The following PLPP3 variants were observed in gnomAD, a reference collection of about 807,000 sequenced individuals.
PLPP3 encodes PAP2 beta.
PLPP3 carries 6 observed loss-of-function variants against 29.6 expected under a neutral mutation model. The ratio of observed to expected loss-of-function variants is 0.20; its 90% confidence interval spans 0.11 to 0.40. The LOEUF (loss-of-function observed/expected upper bound fraction) is 0.40, where lower values mean the gene tolerates loss of function less well. Ranked by LOEUF, PLPP3 falls within the 10% of genes least tolerant of loss-of-function variation. PLPP3 has a pLI of 1.00. For synonymous variants in PLPP3, 152 were observed against 159.7 expected (o/e 0.95, Z 0.36); for missense variants, 308 against 407.7 (o/e 0.76, Z 2.11).
chr1:56,545,696 AT>A (rs1646001354), intron 1 of PLPP3, among the ~76,000 whole-genome samples: 1 of 152,138 alleles, frequency 6.6e-6, no homozygotes, highest in Non-Finnish European at 1.5e-5. Context: ...ATTTATTTTT[AT>A]TTTTCCAGCA....
chr1:56,536,439 C>A (rs1399667938), intron 2 of PLPP3, among the ~76,000 whole-genome samples: 2 of 152,124 alleles, frequency 1.3e-5, no homozygotes, highest in African/African-American at 4.8e-5. Context: ...TCCCCAAATT[C>A]AAGCTGTTGA....
At chr1:56,523,573 T>C (rs1160590299) in intron 4 of PLPP3, among the ~76,000 whole-genome samples, 1 of 152,176 alleles carries the variant, frequency 6.6e-6, no homozygotes, top group African/African-American at 2.4e-5. Flanking sequence ...CCAAAATGTG[T>C]CCACAATGCT....
intron 1 of PLPP3, among the ~76,000 whole-genome samples, chr1:56,560,829 G>GT: frequency 7.1e-6 from 1 of 139,922 alleles, no homozygotes; most frequent in Admixed American, 7.6e-5. Flanking sequence ...CCCATTCAGA[G>GT]TCCTTTTTTT....
Position 56,512,029 on chromosome 1 carries a change from G to C in PLPP3, c.757C>G (p.Pro253Ala), listed in dbSNP as rs746216456. ...GCAAATCCTGCCAGAACATCACTGG[G>C]ATGGTGCTTGTGGTCTGATACGCGA... The part of the protein sequence containing the change: ...LSRVSDHKHH[P>A]SDVLAGFAQG... The change falls in exon 5 of 6, where the codon CCC (proline) becomes GCC (alanine). Residue 253 changes from proline (P) to alanine (A), a missense_variant. Physicochemically the swap from Pro to Ala is conservative, Grantham distance 27 (BLOSUM62 -1). This residue lies in a region of PLPP3 where 232 missense variants were observed against 317.2 expected (regional missense o/e 0.73). Transcript: ENST00000371250. 1.9e-6 allele frequency: 3 copies of C among 1,613,568 alleles called. No homozygotes were observed. The highest frequency in any genetic ancestry group is 2.5e-6 in the Non-Finnish European group (3 of 1,179,832).
intron 1 of PLPP3, among the ~76,000 whole-genome samples, chr1:56,544,297 G>A (rs924803410): frequency 3.9e-5 from 6 of 152,112 alleles, no homozygotes; most frequent in Non-Finnish European, 8.8e-5. Context: ...AGCAACTCAT[G>A]GTTCATATCT....
At chr1:56,497,502 G>A (rs1645638035) in intron 5 of PLPP3, among the ~76,000 whole-genome samples, 1 of 152,198 alleles carries the variant, frequency 6.6e-6, no homozygotes, top group Non-Finnish European at 1.5e-5. Context: ...ATCCATTTGA[G>A]CCATTTAGCA....
intron 2 of PLPP3, among the ~76,000 whole-genome samples, chr1:56,530,933 G>A (rs1297301783): frequency 2.0e-5 from 3 of 152,168 alleles, no homozygotes; most frequent in Non-Finnish European, 2.9e-5. Flanking sequence ...GTTCTCTGAC[G>A]AAAATCCTAC....
intron 1 of PLPP3, among the ~76,000 whole-genome samples, chr1:56,544,738 A>G (rs1271924887): frequency 6.6e-6 from 1 of 152,210 alleles, no homozygotes; most frequent in South Asian, 2.1e-4. Context: ...AGGATACATG[A>G]ACTATGTCTA....
intron 5 of PLPP3, among the ~76,000 whole-genome samples, chr1:56,498,444 C>G (rs1262274433): frequency 2.0e-5 from 3 of 152,060 alleles, no homozygotes; most frequent in Non-Finnish European, 4.4e-5. Flanking sequence ...GCCCCAGGCC[C>G]AGCCCCAGCC....
intron 4 of PLPP3, among the ~76,000 whole-genome samples, chr1:56,514,388 A>G (rs1390018892): frequency 6.6e-6 from 1 of 152,114 alleles, no homozygotes; most frequent in Non-Finnish European, 1.5e-5. Flanking sequence ...CAAATAGTTC[A>G]GTATAGCTGG....
intron 1 of PLPP3, among the ~76,000 whole-genome samples, chr1:56,539,718 G>T (rs1434638123): frequency 1.3e-5 from 2 of 152,162 alleles, no homozygotes; most frequent in Non-Finnish European, 2.9e-5. Context: ...GATCTTTAGG[G>T]GTTAGGAGCC....
chr1:56,544,653 A>G (rs1471809868), intron 1 of PLPP3, among the ~76,000 whole-genome samples: 1 of 152,248 alleles, frequency 6.6e-6, no homozygotes, highest in Non-Finnish European at 1.5e-5. Context: ...GATAAGAGGC[A>G]TAAACAAGAT....
chr1:56,516,658 A>G (rs1160061522), intron 4 of PLPP3, among the ~76,000 whole-genome samples: 1 of 152,026 alleles, frequency 6.6e-6, no homozygotes, highest in Non-Finnish European at 1.5e-5. Context: ...AAGCCCCACA[A>G]TGACACCGCA....
intron 2 of PLPP3, among the ~76,000 whole-genome samples, chr1:56,530,630 T>C (rs573798046): frequency 6.6e-6 from 1 of 152,334 alleles, no homozygotes; most frequent in South Asian, 2.1e-4. Context: ...TTTTTCTATT[T>C]CCCTTGCATT....
At chr1:56,532,841 G>C (rs1645899072) in intron 2 of PLPP3, among the ~76,000 whole-genome samples, 1 of 152,038 alleles carries the variant, frequency 6.6e-6, no homozygotes, top group African/African-American at 2.4e-5. Context: ...AGCTAACAGG[G>C]TAGCCAAGAA....
chr1:56,556,982 GAAAGAAAGAAAGAAAGAAAGAAAGAA>G (rs1569594057), intron 1 of PLPP3, among the ~76,000 whole-genome samples: 1 of 5,706 alleles, frequency 1.8e-4, no homozygotes, highest in East Asian at 2.6e-3. Context: ...AAGAAAGAAA[GAAAGAAAGAAAGAAAGAAAGAAAGAA>G]AGAGAGAGAG....
chr1:56,531,418 C>G (rs530721682), intron 2 of PLPP3, among the ~76,000 whole-genome samples: 2 of 152,316 alleles, frequency 1.3e-5, no homozygotes, highest in Admixed American at 1.3e-4. Flanking sequence ...TACACATCAG[C>G]TTATAGGCCA....
intron 1 of PLPP3, among the ~76,000 whole-genome samples, chr1:56,559,245 T>C (rs1465583308): frequency 6.6e-6 from 1 of 152,184 alleles, no homozygotes; most frequent in East Asian, 1.9e-4. Context: ...TTTCTGTGTG[T>C]TGCTTCCAGG....
chr1:56,548,723 C>CT (rs1646020701), intron 1 of PLPP3, among the ~76,000 whole-genome samples: 1 of 152,174 alleles, frequency 6.6e-6, no homozygotes, highest in African/African-American at 2.4e-5. Context: ...TCCACAGGGG[C>CT]ATTACTAAAG....
Sources: allele counts gnomAD v4.1 joint callset (sites outside exome capture counted in the v4.1 genomes callset), GRCh38; gene constraint gnomAD v4.1.1; regional missense constraint gnomAD v4.1.1; transcripts MANE v1.5; gene names NCBI Gene and HGNC (gene_info 2026-07-23, HGNC 2026-07-21).